Variants in HPSE2 observed in about 807,000 individuals in gnomAD.
HPSE2 encodes the protein inactive heparanase-2.
Under a neutral mutation model 60.5 loss-of-function variants are expected in HPSE2, and 38 were observed. That is an observed-to-expected ratio of 0.63 (90% CI 0.48 to 0.82). HPSE2 has a LOEUF of 0.82. Ranked by LOEUF, HPSE2 falls within the 40% of genes least tolerant of loss-of-function variation. The pLI, the probability that HPSE2 is intolerant of heterozygous loss-of-function variation, is 0.00. For synonymous variants in HPSE2, 295 were observed against 293.2 expected (o/e 1.01, Z -0.06); for missense variants, 713 against 740.4 (o/e 0.96, Z 0.43).
At chr10:98,959,832 T>C (rs557696382) in intron 3 of HPSE2, among the ~76,000 whole-genome samples, 4 of 152,266 alleles carry the variant, frequency 2.6e-5, no homozygotes, top group African/African-American at 9.6e-5. Flanking sequence ...AGACCCAAGA[T>C]GAATTCTAGG....
At chr10:98,759,254 G>A (rs962836698) in intron 3 of HPSE2, among the ~76,000 whole-genome samples, 1 of 152,070 alleles carries the variant, frequency 6.6e-6, no homozygotes, top group Non-Finnish European at 1.5e-5. Flanking sequence ...TTACCTGAGT[G>A]ATGAAATAAT....
intron 9 of HPSE2, among the ~76,000 whole-genome samples, chr10:98,576,061 T>A (rs1944631755): frequency 6.6e-6 from 1 of 152,098 alleles, no homozygotes; most frequent in Non-Finnish European, 1.5e-5. Context: ...GAAGCCCCTG[T>A]TTCACTCTTT....
the HPSE2 span, among the ~76,000 whole-genome samples, chr10:99,258,711 T>C: frequency 6.6e-6 from 1 of 152,226 alleles, no homozygotes; most frequent in Non-Finnish European, 1.5e-5. Context: ...AGTCCAAGAA[T>C]GGACCCACAT....
rs556987253 is a variant in HPSE2 at position 99,004,296 on chromosome 10, C to T, written c.610+139942G>A. On this transcript the variant is annotated intron_variant, in intron 3 of 11. Transcript: ENST00000370552. ...ATCACTGTTATTTTGTTATTGTTTT[C>T]TTGTTTTGTTTTGTTTTGTTTTGTT... 2.0e-5 allele frequency among the ~76,000 whole-genome samples: 3 copies of T among 151,522 alleles called. No homozygotes were observed. In the East Asian group the frequency reaches 5.8e-4, roughly 29 times the overall value.
chr10:99,218,095 T>C (rs1201278445), intron 2 of HPSE2, among the ~76,000 whole-genome samples: 1 of 151,882 alleles, frequency 6.6e-6, no homozygotes, highest in Admixed American at 6.5e-5. Context: ...ATTATTATAA[T>C]ACCTGGAAAC....
At chr10:98,918,534 A>G (rs961585002) in intron 3 of HPSE2, among the ~76,000 whole-genome samples, 1 of 150,912 alleles carries the variant, frequency 6.6e-6, no homozygotes, top group Non-Finnish European at 1.5e-5. Context: ...TTGTAGGGAC[A>G]TGGATGAAAT....
the HPSE2 span, among the ~76,000 whole-genome samples, chr10:99,311,235 T>C: frequency 6.6e-6 from 1 of 152,226 alleles, no homozygotes; most frequent in Non-Finnish European, 1.5e-5. Flanking sequence ...ATAAAATGTA[T>C]ATAGATACTG....
intron 3 of HPSE2, among the ~76,000 whole-genome samples, chr10:99,108,826 A>AATTTAACT (rs1844348108): frequency 6.6e-6 from 1 of 152,190 alleles, no homozygotes; most frequent in Non-Finnish European, 1.5e-5. Flanking sequence ...TTTTCAATAA[A>AATTTAACT]ATTTAACTAT....
chr10:98,832,653 C>T (rs990326103), intron 3 of HPSE2, among the ~76,000 whole-genome samples: 6 of 152,078 alleles, frequency 3.9e-5, no homozygotes, highest in Admixed American at 2.0e-4. Flanking sequence ...ATTTAGATAA[C>T]GACCACTCTT....
At chr10:98,572,743 T>G (rs1944532538) in intron 9 of HPSE2, among the ~76,000 whole-genome samples, 1 of 152,190 alleles carries the variant, frequency 6.6e-6, no homozygotes, top group African/African-American at 2.4e-5. Context: ...AATCCCTTCT[T>G]GGAGTTAGTC....
chr10:98,870,262 T>C (rs73330098), intron 3 of HPSE2, among the ~76,000 whole-genome samples: 8 of 152,154 alleles, frequency 5.3e-5, no homozygotes, highest in Non-Finnish European at 1.0e-4. Flanking sequence ...TATAATTTAA[T>C]TGGCAACCAA....
At chr10:98,769,397 T>G (rs1950194508) in intron 3 of HPSE2, among the ~76,000 whole-genome samples, 1 of 152,164 alleles carries the variant, frequency 6.6e-6, no homozygotes, top group Non-Finnish European at 1.5e-5. Flanking sequence ...ACATCTTTAG[T>G]CATAATTAAA....
At chr10:98,890,093 A>C (rs1326818726) in intron 3 of HPSE2, among the ~76,000 whole-genome samples, 2 of 152,212 alleles carry the variant, frequency 1.3e-5, no homozygotes, top group Non-Finnish European at 2.9e-5. Flanking sequence ...TAGTTGTCTG[A>C]AAGGGTGTTA....
intron 3 of HPSE2, among the ~76,000 whole-genome samples, chr10:98,988,396 A>G (rs1956429260): frequency 6.6e-6 from 1 of 152,282 alleles, no homozygotes; most frequent in African/African-American, 2.4e-5. Flanking sequence ...CAATCGGGAA[A>G]GGATTCCCTA....
At chr10:98,837,861 G>A (rs571641556) in intron 3 of HPSE2, among the ~76,000 whole-genome samples, 8 of 144,560 alleles carry the variant, frequency 5.5e-5, no homozygotes, top group Admixed American at 2.8e-4. Context: ...GCGACAGAGC[G>A]AGACTCCATC....
At chr10:98,802,193 C>T (rs1950925367) in intron 3 of HPSE2, among the ~76,000 whole-genome samples, 1 of 151,968 alleles carries the variant, frequency 6.6e-6, no homozygotes, top group Non-Finnish European at 1.5e-5. Context: ...GGATTAAAGA[C>T]TTAAATGTTA....
intron 2 of HPSE2, among the ~76,000 whole-genome samples, chr10:99,146,626 C>A (rs1193246444): frequency 6.6e-6 from 1 of 152,150 alleles, no homozygotes; most frequent in Non-Finnish European, 1.5e-5. Context: ...CTTTGGGAGG[C>A]TGAGGCAGGT....
chr10:99,080,371 C>T (rs1374304709), intron 3 of HPSE2, among the ~76,000 whole-genome samples: 3 of 152,020 alleles, frequency 2.0e-5, no homozygotes, highest in Admixed American at 6.6e-5. Context: ...ATAAACAAGG[C>T]TATGGCATGT....
the HPSE2 span, among the ~76,000 whole-genome samples, chr10:99,274,449 A>C: frequency 6.6e-6 from 1 of 152,208 alleles, no homozygotes; most frequent in Non-Finnish European, 1.5e-5. Context: ...CTTCAAACAG[A>C]AAAGAAATAA....
Sources: gnomAD v4.1 joint callset for allele counts (sites outside exome capture counted in the v4.1 genomes callset) on GRCh38, gnomAD v4.1.1 for gene constraint, MANE v1.5 for transcripts, NCBI Gene and HGNC (gene_info 2026-07-23, HGNC 2026-07-21) for gene names.